The following NR3C1 variants were observed in gnomAD, a reference collection of about 807,000 sequenced individuals.
NR3C1 encodes nuclear receptor subfamily 3 group C member 1.
NR3C1 carries 14 observed loss-of-function variants against 74.0 expected under a neutral mutation model. The ratio of observed to expected loss-of-function variants is 0.19; its 90% confidence interval spans 0.12 to 0.30. The LOEUF (loss-of-function observed/expected upper bound fraction) is 0.30. Ranked by LOEUF, NR3C1 falls within the 10% of genes least tolerant of loss-of-function variation. The pLI is 1.00. For missense variants in NR3C1, 695 were observed against 909.8 expected (o/e 0.76, Z 3.04); for synonymous variants, 308 against 332.5 (o/e 0.93, Z 0.80).
rs1054163769 is a variant in NR3C1, at chr5:143,403,653, G to C, written c.-456C>G. The C allele has an allele frequency of 1.0e-6, 1 of 985,590 alleles. No homozygotes were observed. Among genetic ancestry groups the C allele is most frequent in the Non-Finnish European group, 1.2e-6 (1 of 830,200 alleles). The allele number at this position is 985,590 out of a possible 1,614,324, so 61.1% of individuals were successfully genotyped here. ...AAAGGGCAGCCCGGCCTGGGCGAGC[G>C]AGCGGGACCGAGCGGGGAGCGGGTG... On this transcript the variant is annotated 5_prime_UTR_variant, in exon 1 of 9. Transcript: ENST00000394464.
intron 2 of NR3C1, among the ~76,000 whole-genome samples, chr5:143,398,234 C>T (rs1457086548): frequency 6.6e-6 from 1 of 151,868 alleles, no homozygotes; most frequent in Non-Finnish European, 1.5e-5. Context: ...AATCTCCTTA[C>T]TGAAAAGATT....
intron 2 of NR3C1, among the ~76,000 whole-genome samples, chr5:143,380,485 A>G (rs1185236989): frequency 6.6e-6 from 1 of 152,186 alleles, no homozygotes; most frequent in African/African-American, 2.4e-5. Context: ...GAAGAAGCCA[A>G]AGTAACTGGA....
At chr5:143,359,912 C>G (rs1339656763) in intron 2 of NR3C1, among the ~76,000 whole-genome samples, 1 of 151,930 alleles carries the variant, frequency 6.6e-6, no homozygotes, top group South Asian at 2.1e-4. Flanking sequence ...AACGAGACTC[C>G]GTCTCAAAAA....
intron 2 of NR3C1, among the ~76,000 whole-genome samples, chr5:143,363,800 G>A (rs1832710080): frequency 6.6e-6 from 1 of 152,064 alleles, no homozygotes; most frequent in East Asian, 1.9e-4. Context: ...ACTTGGAGAA[G>A]AGAAAATCCA....
At chr5:143,329,762 T>A (rs1241504850) in intron 2 of NR3C1, among the ~76,000 whole-genome samples, 11 of 152,194 alleles carry the variant, frequency 7.2e-5, no homozygotes, top group Admixed American at 2.0e-4. Flanking sequence ...CCAATACTCA[T>A]GTATTATTCC....
In NR3C1 at chr5:143,300,509, C is replaced by T; in HGVS notation, c.1723G>A (p.Val575Met). The T allele has an allele frequency of 6.2e-7, 1 of 1,614,188 alleles. No homozygotes were observed. The highest frequency in any genetic ancestry group is 8.5e-7 in the Non-Finnish European group (1 of 1,180,008). The change falls in exon 5 of 9, where the codon GTG becomes ATG. Residue 575 changes from valine to methionine, a missense_variant. This residue lies in a region of NR3C1 where 133 missense variants were observed against 287.9 expected (regional missense o/e 0.46). Transcript: ENST00000394464. This position sits in a 1 kb window ranked among gnomAD's most constrained non-coding sequence, Gnocchi z 5.2. ...CCTGGTATTGCCTTTGCCCATTTCA[C>T]TGCTGCAATCACTTGCCGCCCTCCT... ...MLGGRQVIAA[V>M]KWAKAIPGFR...
At chr5:143,340,542 G>A (rs1296535602) in intron 2 of NR3C1, among the ~76,000 whole-genome samples, 1 of 143,304 alleles carries the variant, frequency 7.0e-6, no homozygotes, top group Non-Finnish European at 1.5e-5. Flanking sequence ...GAGTCCAATG[G>A]CACAATCTTG....
chr5:143,294,806 A>G (rs986349956), intron 7 of NR3C1: 59 of 568,698 alleles, frequency 1.0e-4, no homozygotes, highest in Admixed American at 1.9e-4. Context: ...ATGTGTTTTC[A>G]TGGCTTGACA....
At chr5:143,331,856 A>G (rs1826007282) in intron 2 of NR3C1, among the ~76,000 whole-genome samples, 1 of 152,196 alleles carries the variant, frequency 6.6e-6, no homozygotes, top group Non-Finnish European at 1.5e-5. Context: ...TGATGAAATA[A>G]TCTGTACAGC....
At chr5:143,410,816 T>G (rs1437917176) in intron 1 of NR3C1, among the ~76,000 whole-genome samples, 1 of 152,172 alleles carries the variant, frequency 6.6e-6, no homozygotes, top group African/African-American at 2.4e-5. Context: ...TTTCACTTAT[T>G]TCCCAGGGAA....
At chr5:143,402,689 C>G (rs1191442336) in intron 1 of NR3C1, 11 of 985,318 alleles carry the variant, frequency 1.1e-5, no homozygotes, top group Admixed American at 1.2e-4. Context: ...GTCAGCCCCC[C>G]GCGTGTGCAC....
chr5:143,433,474 A>AAATTATATATATATATT (rs1751969622), intron 1 of NR3C1, among the ~76,000 whole-genome samples: 1 of 21,278 alleles, frequency 4.7e-5, no homozygotes, highest in Non-Finnish European at 1.4e-4. Context: ...ATATATATTT[A>AAATTATATATATATATT]ATTTCATCTT....
intron 2 of NR3C1, among the ~76,000 whole-genome samples, chr5:143,318,938 CTACTG>C (rs1238715532): frequency 1.3e-4 from 20 of 152,102 alleles, no homozygotes; most frequent in Non-Finnish European, 2.8e-4. Context: ...AATACAGTAA[CTACTG>C]TATACTAAGA....
At chr5:143,318,676 C>T (rs2151639045) in intron 2 of NR3C1, among the ~76,000 whole-genome samples, 1 of 152,196 alleles carries the variant, frequency 6.6e-6, no homozygotes, top group South Asian at 2.1e-4. Context: ...GAAAACATCG[C>T]CAAATACCCA....
intron 2 of NR3C1, among the ~76,000 whole-genome samples, chr5:143,356,247 C>T (rs888732775): frequency 1.3e-5 from 2 of 151,958 alleles, no homozygotes; most frequent in Non-Finnish European, 2.9e-5. Flanking sequence ...GACACAATAT[C>T]GATCTTAAAA....
At chr5:143,399,619 G>A in intron 2 of NR3C1, 37 bp downstream of exon 2, 4 of 1,387,000 alleles carry the variant, frequency 2.9e-6, no homozygotes, top group Non-Finnish European at 3.1e-6. Flanking sequence ...TACCTTAAAT[G>A]TACCATTCTT....
At position 143,410,860 on chromosome 5, in the gene NR3C1, G is replaced by A. The variant is rs746485901; in HGVS notation, c.-13-10008C>T. Among the ~76,000 whole-genome samples the A allele has an allele frequency of 4.3e-4, 66 of 152,164 alleles. 1 individual carries two copies. Among genetic ancestry groups the A allele is most frequent in the Non-Finnish European group, 3.5e-4 (24 of 68,016 alleles). On this transcript the variant is annotated intron_variant, in intron 1 of 8. Coordinates refer to the NR3C1 transcript ENST00000343796. ...ATGGGCAGTCTGGAATTTTAGGCAG[G>A]GGAGTGATAATTCAGTAGTGCACCG... is the stretch of plus-strand genomic sequence containing the variant.
At chr5:143,426,293 T>C (rs144253045) in intron 1 of NR3C1, among the ~76,000 whole-genome samples, 69 of 152,300 alleles carry the variant, frequency 4.5e-4, no homozygotes, top group Non-Finnish European at 1.9e-4. Context: ...TGCTTTGAAA[T>C]TTGATAGCGG....
At chr5:143,430,428 T>C (rs79681950) in intron 1 of NR3C1, among the ~76,000 whole-genome samples, 2,830 of 152,352 alleles carry the variant, frequency 0.019, 88 homozygotes, top group African/African-American at 0.065. Flanking sequence ...ATATTACTTT[T>C]ATGAGTAGGA....
Sources: gnomAD v4.1 joint callset for allele counts (sites outside exome capture counted in the v4.1 genomes callset) on GRCh38, gnomAD v4.1.1 for gene constraint, gnomAD v4.1.1 regional missense constraint, Gnocchi (gnomAD v3.1) non-coding constraint, MANE v1.5 for transcripts, NCBI Gene and HGNC (gene_info 2026-07-23, HGNC 2026-07-21) for gene names.